The following ANKRD55 variants were observed in gnomAD, a reference collection of about 807,000 sequenced individuals.
ANKRD55 encodes the protein ankyrin repeat domain 55.
A neutral mutation model predicts 60.6 loss-of-function variants in ANKRD55; 41 were observed. The observed-to-expected ratio is 0.68, with a 90% CI of 0.53 to 0.88. The LOEUF is 0.88. Ranked by LOEUF, ANKRD55 falls within the 40% of genes least tolerant of loss-of-function variation. The pLI is 0.00. For synonymous variants in ANKRD55, 264 were observed against 290.3 expected (o/e 0.91, Z 0.92); for missense variants, 732 against 767.6 (o/e 0.95, Z 0.55).
intron 8 of ANKRD55, among the ~76,000 whole-genome samples, chr5:56,121,616 C>T (rs1269221665): frequency 3.9e-5 from 6 of 152,062 alleles, no homozygotes; most frequent in Admixed American, 3.3e-4. Context: ...CGTGATCCAC[C>T]CGCCTGGGCC....
intron 2 of ANKRD55, among the ~76,000 whole-genome samples, chr5:56,230,596 T>C (rs1760230113): frequency 6.6e-6 from 1 of 152,216 alleles, no homozygotes; most frequent in African/African-American, 2.4e-5. Flanking sequence ...TCCCTTTGGT[T>C]TGTCCAACAA....
At chr5:56,205,046 A>T (rs1280459851) in intron 2 of ANKRD55, among the ~76,000 whole-genome samples, 1 of 146,182 alleles carries the variant, frequency 6.8e-6, no homozygotes, top group Non-Finnish European at 1.5e-5. Flanking sequence ...GAGAGTTTAG[A>T]CTTGTTTTCT....
At chr5:56,198,953 G>A (rs1465311486) in intron 2 of ANKRD55, among the ~76,000 whole-genome samples, 3 of 151,976 alleles carry the variant, frequency 2.0e-5, no homozygotes, top group East Asian at 2.0e-4. Flanking sequence ...GGTGGCGGGC[G>A]CCTGTAGTCC....
intron 10 of ANKRD55, among the ~76,000 whole-genome samples, chr5:56,106,949 C>T (rs1756500095): frequency 1.3e-5 from 2 of 148,520 alleles, no homozygotes; most frequent in Non-Finnish European, 3.0e-5. Flanking sequence ...GAGTTTGAGG[C>T]TGAAGTGAGC....
At chr5:56,204,718 T>G (rs2111863310) in intron 2 of ANKRD55, among the ~76,000 whole-genome samples, 1 of 152,328 alleles carries the variant, frequency 6.6e-6, no homozygotes, top group Admixed American at 6.5e-5. Context: ...AGCATGAGAA[T>G]GGACTAATAC....
rs1581013340 is a variant in ANKRD55 at position 56,193,801 on chromosome 5, G to T, written c.59-10167C>A. On this transcript the variant is annotated intron_variant, in intron 2 of 11. Transcript: ENST00000341048. The stretch of plus-strand genomic sequence containing the variant: ...GACTATAAACTGAAGCTTTAAATGA[G>T]CTGTGAAGTCTGTTAAAATGTGTTT... Among the ~76,000 whole-genome samples the T allele has an allele frequency of 2.0e-5, 3 of 152,276 alleles. No individual in the cohort carries two copies. In the East Asian group the frequency reaches 5.8e-4, roughly 29 times the overall value.
intron 10 of ANKRD55, among the ~76,000 whole-genome samples, chr5:56,105,255 T>G (rs1459258310): frequency 6.6e-6 from 1 of 152,032 alleles, no homozygotes; most frequent in Non-Finnish European, 1.5e-5. Context: ...CCAGGCTAAT[T>G]TTTGTATTTT....
rs572725579 is a variant in ANKRD55 at position 56,102,577 on chromosome 5, A to G, written c.1640T>C (p.Phe547Ser). The G allele has an allele frequency of 6.2e-7, 1 of 1,613,128 alleles. No homozygotes were observed. The highest frequency in any genetic ancestry group is 1.1e-5 in the South Asian group (1 of 91,056). ...GTGTCTGTTTGGGGAAAGATGCTGA[A>G]AATTTTGTCCTGAAGATAAACATAT... The part of the protein sequence containing the change: ...HLHNPSSGQN[F>S]QHLSPNRHKI... Residue 547 changes from phenylalanine (F) to serine (S), a missense_variant, in exon 11 of 12, where the codon TTT becomes TCT. Phe to Ser is a radical substitution (Grantham distance 155, BLOSUM62 -2). Transcript: ENST00000341048.
chr5:56,104,478 G>A (rs576525108), intron 10 of ANKRD55, among the ~76,000 whole-genome samples: 81 of 152,232 alleles, frequency 5.3e-4, no homozygotes, highest in African/African-American at 1.9e-3. Flanking sequence ...TTCCATGTTG[G>A]CATTTTGCTC....
chr5:56,217,750 G>A lies in ANKRD55; in HGVS notation c.58+15106C>T, dbSNP rs1759851988. ...TCTACTAAAAATACAAAAAAAATTA[G>A]CCGGGCGTGGTGGGGGGCACCTGTA... On this transcript the variant is annotated intron_variant, in intron 2 of 11. Transcript: ENST00000341048. Among the ~76,000 whole-genome samples, 6 of 152,062 alleles carry A rather than the reference G, an allele frequency of 3.9e-5. No individual in the cohort carries two copies. In the South Asian group the frequency reaches 1.2e-3, roughly 32 times the overall value.
At position 56,153,337 on chromosome 5, in the gene ANKRD55, T is replaced by C. The variant is rs1758102339; in HGVS notation, c.483+6496A>G. ...ATAATTAGGCAGTGTGTATTAAAAATAAAAACATACACTCTCTACTACCCA... is the reference window on the plus strand; with the variant it reads ...ATAATTAGGCAGTGTGTATTAAAAACAAAAACATACACTCTCTACTACCCA... On this transcript the variant is annotated intron_variant, in intron 6 of 11. Coordinates refer to ENST00000341048, the MANE Select transcript of ANKRD55 (RefSeq NM_024669.3). 2.0e-5 allele frequency among the ~76,000 whole-genome samples: 3 copies of C among 152,060 alleles called. No homozygotes were observed. The South Asian group carries it at 6.2e-4, about 32-fold the overall frequency.
chr5:56,127,446 T>G, intron 7 of ANKRD55: 1 of 985,126 alleles, frequency 1.0e-6, no homozygotes, highest in Non-Finnish European at 1.2e-6. Context: ...GACAACAACT[T>G]GCTCATTAGG....
Position 56,143,579 on chromosome 5 carries a change from T to A in ANKRD55, c.612+222A>T, listed in dbSNP as rs573153072. Among the ~76,000 whole-genome samples the A allele has an allele frequency of 7.9e-5, 12 of 152,216 alleles. No homozygotes were observed. The South Asian group carries it at 2.5e-3, about 32-fold the overall frequency. The stretch of plus-strand genomic sequence containing the variant: ...GAGATGGAGAGAGAAACAGAGAGAA[T>A]GAGAGGGGTATGTGTGTGTCTGTGT... On this transcript the variant is annotated intron_variant, in intron 7 of 11. Transcript: ENST00000341048.
chr5:56,159,170 G>T (rs1758263465), intron 6 of ANKRD55, among the ~76,000 whole-genome samples: 1 of 152,312 alleles, frequency 6.6e-6, no homozygotes. Flanking sequence ...ACACGAGAGA[G>T]CATGTCTTAG....
At chr5:56,144,003 C>T (rs1040288768) in intron 6 of ANKRD55, 74 bp from the exon 7 acceptor site, 3 of 1,599,912 alleles carry the variant, frequency 1.9e-6, no homozygotes, top group Non-Finnish European at 2.6e-6. Context: ...CACACTTTCT[C>T]CTCAGGCCTG....
chr5:56,186,917 T>C (rs1342571756), intron 2 of ANKRD55, among the ~76,000 whole-genome samples: 1 of 152,214 alleles, frequency 6.6e-6, no homozygotes, highest in African/African-American at 2.4e-5. Flanking sequence ...GGTGGTGGGC[T>C]GAGGAGCTCT....
At chr5:56,160,295 G>C (rs1291905974) in intron 5 of ANKRD55, among the ~76,000 whole-genome samples, 1 of 152,184 alleles carries the variant, frequency 6.6e-6, no homozygotes, top group Non-Finnish European at 1.5e-5. Context: ...CTCGAGTGCA[G>C]TGGCACGAAC....
intron 2 of ANKRD55, chr5:56,193,373 A>T: frequency 1.4e-6 from 1 of 717,168 alleles, no homozygotes. Context: ...ACACCATTTA[A>T]TAAAGGTTAT....
Position 56,176,312 on chromosome 5 carries a change from A to G in ANKRD55, c.182-30T>C, listed in dbSNP as rs775217363. The stretch of plus-strand genomic sequence containing the variant: ...AATGAGACATTTCAACAGCCTTTAA[A>G]CATGTGTGACCCATGAAACTGATGA... On this transcript the variant is annotated intron_variant, in intron 3 of 11. Coordinates refer to ENST00000341048, the MANE Select transcript of ANKRD55 (RefSeq NM_024669.3). 7.4e-6 allele frequency: 12 copies of G among 1,613,966 alleles called. No homozygotes were observed. In the South Asian group the frequency reaches 7.7e-5, roughly 10 times the overall value.
Sources: allele counts gnomAD v4.1 joint callset (sites outside exome capture counted in the v4.1 genomes callset), GRCh38; gene constraint gnomAD v4.1.1; transcripts MANE v1.5; gene names NCBI Gene and HGNC (gene_info 2026-07-23, HGNC 2026-07-21).